The following PACRG variants were observed in gnomAD, a reference collection of about 807,000 sequenced individuals.
PACRG encodes parkin coregulated gene protein.
Under a neutral mutation model 29.7 loss-of-function variants are expected in PACRG, and 29 were observed. The observed-to-expected ratio is 0.98, with a 90% CI of 0.73 to 1.33. The LOEUF is 1.33. Among genes scored for constraint, PACRG ranks in the 40% most tolerant of loss-of-function variants. The pLI is 0.00. For synonymous variants in PACRG, 116 were observed against 118.7 expected (o/e 0.98, Z 0.15); for missense variants, 279 against 316.2 (o/e 0.88, Z 0.89).
intron 1 of PACRG, among the ~76,000 whole-genome samples, chr6:162,740,545 T>G (rs373928767): frequency 7.9e-5 from 12 of 150,950 alleles, no homozygotes; most frequent in African/African-American, 2.4e-4. Context: ...CTTGATCTCC[T>G]GACCTCGCGA....
intron 2 of PACRG, among the ~76,000 whole-genome samples, chr6:162,868,618 C>T (rs746685256): frequency 1.4e-4 from 21 of 152,112 alleles, no homozygotes; most frequent in Admixed American, 2.6e-4. Context: ...CAGGTGAGAT[C>T]CCTACTCACA....
At chr6:163,162,589 A>C (rs1390350239) in intron 4 of PACRG, among the ~76,000 whole-genome samples, 1 of 152,248 alleles carries the variant, frequency 6.6e-6, no homozygotes, top group Non-Finnish European at 1.5e-5. Flanking sequence ...ATGCTTGCCC[A>C]AGAAAGACCC....
Position 162,897,725 on chromosome 6 carries a change from C to A in PACRG, c.291+83444C>A, listed in dbSNP as rs541754574. Among the ~76,000 whole-genome samples the A allele has an allele frequency of 2.5e-4, 38 of 152,284 alleles. 1 individual carries two copies. In the South Asian group the frequency reaches 5.2e-3, roughly 21 times the overall value. ...CTGTGTATCTGTTATCAGGGAATTT[C>A]TTCATTTCACGCTGAGCACCAGTGC... On this transcript the variant is annotated intron_variant, in intron 2 of 4. Transcript: ENST00000366888.
intron 2 of PACRG, among the ~76,000 whole-genome samples, chr6:162,907,430 T>C (rs1015255443): frequency 1.3e-5 from 2 of 152,132 alleles, no homozygotes; most frequent in African/African-American, 4.8e-5. Flanking sequence ...GATCTGAAAA[T>C]TAATTCCTAG....
chr6:163,246,666 G>T (rs949232773), intron 4 of PACRG, among the ~76,000 whole-genome samples: 1 of 152,124 alleles, frequency 6.6e-6, no homozygotes, highest in African/African-American at 2.4e-5. Flanking sequence ...ATTATGTGAC[G>T]TTAGAAGCCA....
chr6:162,744,304 G>C (rs34035978), intron 1 of PACRG, among the ~76,000 whole-genome samples: 24,115 of 152,140 alleles, frequency 0.16, 2,613 homozygotes, highest in African/African-American at 0.3. Context: ...TCTATATAAA[G>C]ATATTATTCC....
At chr6:163,023,549 G>T (rs1219213922) in intron 2 of PACRG, among the ~76,000 whole-genome samples, 3 of 152,146 alleles carry the variant, frequency 2.0e-5, no homozygotes, top group Non-Finnish European at 4.4e-5. Flanking sequence ...AGTGTATGTG[G>T]TTTTTTTGGT....
chr6:163,135,666 C>T (rs771953545), intron 4 of PACRG, among the ~76,000 whole-genome samples: 2 of 152,176 alleles, frequency 1.3e-5, no homozygotes, highest in Admixed American at 6.5e-5. Flanking sequence ...AAGGTAAATA[C>T]CTAGAAGTAG....
chr6:162,752,435 C>T (rs550578915), intron 1 of PACRG, among the ~76,000 whole-genome samples: 7 of 152,238 alleles, frequency 4.6e-5, no homozygotes, highest in Non-Finnish European at 8.8e-5. Context: ...GACCAGTATC[C>T]AGTAACATCA....
chr6:163,025,413 A>G (rs1031526959), intron 2 of PACRG, among the ~76,000 whole-genome samples: 7 of 152,198 alleles, frequency 4.6e-5, no homozygotes, highest in Admixed American at 2.0e-4. Context: ...CCAATGTACA[A>G]AAATCAGTAG....
chr6:163,210,066 C>G (rs1287255398), intron 4 of PACRG, among the ~76,000 whole-genome samples: 1 of 152,172 alleles, frequency 6.6e-6, no homozygotes, highest in African/African-American at 2.4e-5. Context: ...TCCATGAGGA[C>G]CATTGTCACC....
chr6:162,890,935 G>A (rs964934047), intron 2 of PACRG, among the ~76,000 whole-genome samples: 1 of 152,134 alleles, frequency 6.6e-6, no homozygotes, highest in African/African-American at 2.4e-5. Flanking sequence ...TGCACCCCTC[G>A]AGGTCTTGTG....
At chr6:162,729,563 T>C (rs1779584770) in intron 1 of PACRG, among the ~76,000 whole-genome samples, 1 of 152,190 alleles carries the variant, frequency 6.6e-6, no homozygotes, top group African/African-American at 2.4e-5. Flanking sequence ...TTGTAACTAA[T>C]TCTTTTTCAT....
chr6:163,038,967 A>G (rs1018757702), intron 2 of PACRG, among the ~76,000 whole-genome samples: 10 of 152,208 alleles, frequency 6.6e-5, no homozygotes, highest in Non-Finnish European at 1.5e-4. Context: ...GAGTTTGCAT[A>G]TAAAATATCC....
chr6:163,207,411 T>G (rs534517480), intron 4 of PACRG, among the ~76,000 whole-genome samples: 1 of 152,192 alleles, frequency 6.6e-6, no homozygotes, highest in African/African-American at 2.4e-5. Flanking sequence ...GGCCTAAAAT[T>G]TGCAACATAA....
chr6:163,244,226 T>G (rs1210086915), intron 4 of PACRG, among the ~76,000 whole-genome samples: 4 of 152,176 alleles, frequency 2.6e-5, no homozygotes, highest in African/African-American at 9.7e-5. Flanking sequence ...ATCATTTTTT[T>G]TCCTAAAAGA....
intron 2 of PACRG, among the ~76,000 whole-genome samples, chr6:163,015,000 A>T (rs1460768091): frequency 1.3e-5 from 2 of 152,160 alleles, no homozygotes; most frequent in Admixed American, 1.3e-4. Context: ...TTAAATTCTC[A>T]ATTCATCTTG....
chr6:163,260,929 G>T (rs973018733), intron 4 of PACRG, among the ~76,000 whole-genome samples: 5 of 151,896 alleles, frequency 3.3e-5, no homozygotes, highest in African/African-American at 1.2e-4. Context: ...TCGAATCTAG[G>T]AACCTTTTTT....
intron 1 of PACRG, among the ~76,000 whole-genome samples, chr6:162,756,692 T>A (rs1383341627): frequency 6.6e-6 from 1 of 152,186 alleles, no homozygotes; most frequent in African/African-American, 2.4e-5. Context: ...TTTGTAAATT[T>A]TTTTTATTGT....
Sources: allele counts gnomAD v4.1 joint callset (sites outside exome capture counted in the v4.1 genomes callset), GRCh38; gene constraint gnomAD v4.1.1; transcripts MANE v1.5; gene names NCBI Gene and HGNC (gene_info 2026-07-23, HGNC 2026-07-21).